Variants in NEMP2 observed in about 807,000 individuals in gnomAD.
The protein encoded by NEMP2 is UPF0571 transmembrane protein.
Under a neutral mutation model 54.2 loss-of-function variants are expected in NEMP2, and 53 were observed. The observed-to-expected ratio is 0.98, with a 90% CI of 0.78 to 1.23. The LOEUF (loss-of-function observed/expected upper bound fraction) is 1.23, where lower values mean the gene tolerates loss of function less well. Among genes scored for constraint, NEMP2 ranks in the 50% most tolerant of loss-of-function variants. The pLI is 0.00. For synonymous variants in NEMP2, 197 were observed against 190.3 expected, an observed-to-expected ratio of 1.04 and a Z score of -0.29; for missense variants, 455 against 511.3, an observed-to-expected ratio of 0.89 and a Z score of 1.06.
the NEMP2 span, among the ~76,000 whole-genome samples, chr2:190,572,555 G>C: frequency 6.6e-6 from 1 of 152,072 alleles, no homozygotes; most frequent in Non-Finnish European, 1.5e-5. Context: ...AGAGGAGGAA[G>C]GGAGAGCAAA....
chr2:190,614,532 T>G, the NEMP2 span, among the ~76,000 whole-genome samples: 1 of 152,224 alleles, frequency 6.6e-6, no homozygotes, highest in Admixed American at 6.5e-5. The surrounding 1 kb of genome is among the most constrained non-coding windows in gnomAD (Gnocchi z 5.7). Flanking sequence ...TGTTAGCTTT[T>G]AGTTAAGCTG....
chr2:190,514,450 T>C lies in NEMP2; in HGVS notation c.953+3A>G. On this transcript the variant is annotated splice_donor_region_variant and intron_variant, in intron 7 of 8. Coordinates refer to ENST00000409150, the MANE Select transcript of NEMP2 (RefSeq NM_001142645.2). This position sits in a 1 kb window ranked among gnomAD's most constrained non-coding sequence, Gnocchi z 5.7. ...TTTGCTGGGGGAAAAAAATGATACA[T>C]ACCACCTCATATAACTGCATGCTCT... 1.3e-6 allele frequency: 2 copies of C among 1,550,042 alleles called. No individual in the cohort carries two copies. Among genetic ancestry groups the C allele is most frequent in the South Asian group, 1.2e-5 (1 of 83,902 alleles).
the NEMP2 span, among the ~76,000 whole-genome samples, chr2:190,480,368 G>T: frequency 7.1e-6 from 1 of 140,036 alleles, no homozygotes; most frequent in African/African-American, 2.6e-5. Flanking sequence ...TCAGCCCCCT[G>T]TATCATGTAC....
At chr2:190,460,640 C>T in the NEMP2 span, among the ~76,000 whole-genome samples, 1 of 152,154 alleles carries the variant, frequency 6.6e-6, no homozygotes, top group East Asian at 1.9e-4. Context: ...TGTAGGTGCA[C>T]TGTTACAACC....
At chr2:190,495,446 G>A in the NEMP2 span, among the ~76,000 whole-genome samples, 17 of 152,082 alleles carry the variant, frequency 1.1e-4, no homozygotes, top group Non-Finnish European at 2.1e-4. This position sits in a 1 kb window ranked among gnomAD's most constrained non-coding sequence, Gnocchi z 4.7. Flanking sequence ...CAAATTCAAT[G>A]CAATTCCCAT....
At chr2:190,565,664 A>G in the NEMP2 span, among the ~76,000 whole-genome samples, 1 of 152,234 alleles carries the variant, frequency 6.6e-6, no homozygotes, top group Admixed American at 6.5e-5. Flanking sequence ...CAAGATGTCC[A>G]GGACTTTATT....
At chr2:190,487,223 C>A in the NEMP2 span, among the ~76,000 whole-genome samples, 27 of 152,094 alleles carry the variant, frequency 1.8e-4, no homozygotes, top group Non-Finnish European at 3.5e-4. The surrounding 1 kb of genome is among the most constrained non-coding windows in gnomAD (Gnocchi z 5.5). Context: ...CACTTGTAGT[C>A]CCAGCTACTT....
downstream of NEMP2, among the ~76,000 whole-genome samples, chr2:190,502,904 T>G (rs181715603): frequency 1.3e-5 from 2 of 152,146 alleles, no homozygotes; most frequent in Non-Finnish European, 2.9e-5. This position sits in a 1 kb window ranked among gnomAD's most constrained non-coding sequence, Gnocchi z 4.4. Context: ...GTTTAAGTTA[T>G]GAGATCAAGG....
chr2:190,482,393 G>A, the NEMP2 span, among the ~76,000 whole-genome samples: 12 of 151,344 alleles, frequency 7.9e-5, no homozygotes, highest in African/African-American at 2.7e-4. Flanking sequence ...CCTTTCGGAA[G>A]CTTTCCTTTT....
At chr2:190,600,421 C>T in the NEMP2 span, among the ~76,000 whole-genome samples, 6 of 152,142 alleles carry the variant, frequency 3.9e-5, no homozygotes, top group East Asian at 1.9e-4. The surrounding 1 kb of genome is among the most constrained non-coding windows in gnomAD (Gnocchi z 4.9). Context: ...CATTTGTCTT[C>T]GCCAAAACTC....
the NEMP2 span, among the ~76,000 whole-genome samples, chr2:190,454,950 ATATG>A: frequency 1.1e-5 from 1 of 91,136 alleles, no homozygotes; most frequent in East Asian, 3.6e-4. The surrounding 1 kb of genome is among the most constrained non-coding windows in gnomAD (Gnocchi z 4.6). Flanking sequence ...ATGTATATGT[ATATG>A]TATATGTATA....
chr2:190,623,085 A>C, the NEMP2 span, among the ~76,000 whole-genome samples: 2 of 152,318 alleles, frequency 1.3e-5, 1 homozygote. Context: ...TATTTACTAT[A>C]CAAAATACCT....
chr2:190,482,633 C>T, the NEMP2 span, among the ~76,000 whole-genome samples: 7 of 151,994 alleles, frequency 4.6e-5, no homozygotes, highest in Non-Finnish European at 1.0e-4. Context: ...AGCCAAGCAA[C>T]AGTTTACAAA....
chr2:190,642,293 T>C, the NEMP2 span, among the ~76,000 whole-genome samples: 1 of 152,182 alleles, frequency 6.6e-6, no homozygotes, highest in African/African-American at 2.4e-5. The surrounding 1 kb of genome is among the most constrained non-coding windows in gnomAD (Gnocchi z 4.1). Flanking sequence ...AAATAAGCAA[T>C]TGGAAACTAA....
chr2:190,464,787 G>A, the NEMP2 span: 4 of 389,602 alleles, frequency 1.0e-5, no homozygotes, highest in Non-Finnish European at 1.1e-5. Flanking sequence ...TAAGTCCCTT[G>A]AAGACCAAGT....
the NEMP2 span, among the ~76,000 whole-genome samples, chr2:190,453,465 T>G: frequency 6.6e-6 from 1 of 152,228 alleles, no homozygotes; most frequent in African/African-American, 2.4e-5. Context: ...CTCCTCTCTA[T>G]TCCCCTTTCT....
At chr2:190,536,475 AAAGG>A, upstream of NEMP2, among the ~76,000 whole-genome samples, 1 of 152,218 alleles carries the variant, frequency 6.6e-6, no homozygotes, top group East Asian at 1.9e-4. Flanking sequence ...CACCACAGAT[AAAGG>A]AAGGATTTGG....
rs1413180352 is a variant in NEMP2 at position 190,525,298 on chromosome 2, G to A, written c.178C>T (p.Gln60Ter). The change falls in exon 2 of 9, where the codon CAA (glutamine) becomes TAA (stop). Residue 60 changes from glutamine to a stop codon, truncating the protein, a stop_gained. Transcript: ENST00000409150. LOFTEE classifies it high-confidence loss of function. The surrounding 1 kb of genome is among the most constrained non-coding windows in gnomAD (Gnocchi z 5.0). ...GACCATATGTATTTCCACTCCACTTGGGAATTTTGATTGTAGCAGTAACAG... is the reference window on the plus strand; with the variant it reads ...GACCATATGTATTTCCACTCCACTTAGGAATTTTGATTGTAGCAGTAACAG... ...SDCYCYNQNS[Q>*]VEWKYIWSTM... The A allele has an allele frequency of 6.5e-7, 1 of 1,550,070 alleles. No homozygotes were observed. Among genetic ancestry groups the A allele is most frequent in the Non-Finnish European group, 8.7e-7 (1 of 1,145,942 alleles).
At chr2:190,436,823 C>T in the NEMP2 span, 59 of 1,614,082 alleles carry the variant, frequency 3.7e-5, no homozygotes, top group African/African-American at 7.2e-4. The surrounding 1 kb of genome is among the most constrained non-coding windows in gnomAD (Gnocchi z 5.3). Flanking sequence ...GTTATTGTTA[C>T]CACCACCAAA....
Sources: gnomAD v4.1 joint callset for allele counts (sites outside exome capture counted in the v4.1 genomes callset) on GRCh38, gnomAD v4.1.1 for gene constraint, Gnocchi (gnomAD v3.1) non-coding constraint, MANE v1.5 for transcripts, NCBI Gene and HGNC (gene_info 2026-07-23, HGNC 2026-07-21) for gene names.